LAMA1: variants seen among roughly 807,000 people sequenced by gnomAD.
LAMA1 encodes the protein laminin subunit alpha-1.
Under a neutral mutation model 348.7 loss-of-function variants are expected in LAMA1, and 219 were observed. That is an observed-to-expected ratio of 0.63 (90% confidence interval 0.56 to 0.70). The LOEUF (loss-of-function observed/expected upper bound fraction) is 0.70, where lower values mean the gene tolerates loss of function less well. Among genes scored for constraint, LAMA1 ranks in the 30% least tolerant of loss-of-function variants. The probability of loss-of-function intolerance (pLI) is 0.00; values close to 1 mark genes in which losing one functional copy is unlikely to be tolerated. For missense variants in LAMA1, 3,744 were observed against 3,888.0 expected (o/e 0.96, Z 0.99); for synonymous variants, 1,487 against 1,491.0 (o/e 1.00, Z 0.06).
intron 16 of LAMA1, among the ~76,000 whole-genome samples, chr18:7,030,871 C>A (rs2057966047): frequency 1.5e-5 from 2 of 130,236 alleles, no homozygotes; most frequent in Admixed American, 8.0e-5. Flanking sequence ...GGAGGCCTTG[C>A]AAACCCAAAT....
intron 54 of LAMA1, among the ~76,000 whole-genome samples, chr18:6,958,939 C>A (rs1315965850): frequency 3.3e-5 from 5 of 151,606 alleles, no homozygotes; most frequent in African/African-American, 1.2e-4. Context: ...AACCTCTTTA[C>A]CTATGATGAA....
At chr18:7,070,519 C>T (rs1288510059) in intron 3 of LAMA1, among the ~76,000 whole-genome samples, 1 of 152,168 alleles carries the variant, frequency 6.6e-6, no homozygotes, top group African/African-American at 2.4e-5. Context: ...TAATAAACCT[C>T]ACTCAATACT....
chr18:7,022,741 C>T (rs928396198), intron 19 of LAMA1, among the ~76,000 whole-genome samples: 3 of 152,148 alleles, frequency 2.0e-5, no homozygotes, highest in Admixed American at 1.3e-4. Context: ...CGGTGCTTTA[C>T]GCAGTTTCTG....
chr18:6,945,460 G>A (rs187790918), intron 61 of LAMA1, among the ~76,000 whole-genome samples: 2 of 152,112 alleles, frequency 1.3e-5, no homozygotes, highest in Admixed American at 6.6e-5. Flanking sequence ...AGAAACAACC[G>A]GTAAGTCCTG....
chr18:7,080,119 T>C, intron 2 of LAMA1, 32 bp from the exon 3 acceptor site: 2 of 1,579,856 alleles, frequency 1.3e-6, no homozygotes, highest in Non-Finnish European at 1.7e-6. Flanking sequence ...CATGAATTCC[T>C]CTCGGCTGTT....
At chr18:7,031,108 A>C (rs545429118) in intron 16 of LAMA1, among the ~76,000 whole-genome samples, 1 of 152,298 alleles carries the variant, frequency 6.6e-6, no homozygotes, top group Middle Eastern at 3.4e-3. Flanking sequence ...CATCCTGGAC[A>C]TCATTCTAAG....
Position 7,080,432 on chromosome 18 carries a change from A to G in LAMA1, c.87T>C (p.Leu29=). 1.2e-6 allele frequency: 2 copies of G among 1,614,256 alleles called. No individual in the cohort carries two copies. The highest frequency in any genetic ancestry group is 8.5e-7 in the Non-Finnish European group (1 of 1,180,044). The part of the protein sequence containing the change: ...QRGLFPAILN[L]ASNAHISTNA... ...TGGTGCTGATGTGAGCATTGCTGGC[A>G]AGATTGAGAATGGCAGGAAACAGGC... Residue 29 remains leucine, a synonymous_variant, in exon 2 of 63, where the codon CTT becomes CTC. Coordinates refer to ENST00000389658, the MANE Select transcript of LAMA1 (RefSeq NM_005559.4).
intron 16 of LAMA1, among the ~76,000 whole-genome samples, chr18:7,031,340 TC>T (rs1193795594): frequency 6.6e-6 from 1 of 152,092 alleles, no homozygotes; most frequent in African/African-American, 2.4e-5. Flanking sequence ...AAGAAACAAG[TC>T]TTGCCCCACA....
chr18:6,972,098 G>T, intron 47 of LAMA1, 117 bp from the exon 48 acceptor site: 1 of 1,254,946 alleles, frequency 8.0e-7, no homozygotes, highest in Non-Finnish European at 1.1e-6. Context: ...CAAATTTTGA[G>T]AGAGCCACAT....
chr18:7,092,614 T>C (rs1248755125), intron 1 of LAMA1, among the ~76,000 whole-genome samples: 2 of 129,258 alleles, frequency 1.5e-5, no homozygotes, highest in Non-Finnish European at 3.1e-5. Context: ...ACAGAGCGAG[T>C]CTCTGTCTCG....
At position 7,012,056 on chromosome 18, in the gene LAMA1, G is replaced by A. The variant is rs764502367; in HGVS notation, c.3446C>T (p.Pro1149Leu). ...LRADNPLGCS[P>L]CFCSGLSHLC... ...GTGGGACAGCCCGGAGCAGAAGCAC[G>A]GGCTGCAGCCCAGGGGGTTGTCTGC... The change falls in exon 24 of 63, where the codon CCG becomes CTG. Residue 1149 changes from proline to leucine, a missense_variant. By Grantham distance (98) the Pro-to-Leu change is moderately conservative (BLOSUM62 -3). Transcript: ENST00000389658. 1.7e-5 allele frequency: 28 copies of A among 1,612,202 alleles called. No individual in the cohort carries two copies. The highest frequency in any genetic ancestry group is 1.1e-4 in the East Asian group (5 of 44,862).
intron 41 of LAMA1, among the ~76,000 whole-genome samples, chr18:6,981,498 C>A (rs772153698): frequency 6.6e-6 from 1 of 152,184 alleles, no homozygotes; most frequent in Non-Finnish European, 1.5e-5. Context: ...TCATAACATA[C>A]AATCACATTT....
At chr18:6,945,965 G>A (rs2143964542) in intron 61 of LAMA1, among the ~76,000 whole-genome samples, 1 of 152,208 alleles carries the variant, frequency 6.6e-6, no homozygotes, top group South Asian at 2.1e-4. Flanking sequence ...AAGGGGAGAG[G>A]AAGGGAAGTG....
At chr18:7,036,877 G>A (rs574352525) in intron 12 of LAMA1, among the ~76,000 whole-genome samples, 9 of 152,086 alleles carry the variant, frequency 5.9e-5, no homozygotes, top group African/African-American at 2.2e-4. Flanking sequence ...AAAAACCCGG[G>A]AAGGTAAGCA....
chr18:6,965,432 T>C lies in LAMA1; in HGVS notation c.7051A>G (p.Lys2351Glu). Residue 2351 changes from lysine (K) to glutamate (E), a missense_variant and splice_region_variant, in exon 50 of 63, where the codon AAA becomes GAA. Physicochemically the swap from Lys to Glu is moderately conservative, Grantham distance 56. Transcript: ENST00000389658. ...LLLYLGSYGT[K>E]DFLSIELFRG... is the part of the protein sequence containing the mutation. ...AACAGCTCGATGGATAAAAAGTCTT[T>C]CTGTAAAAAAGAGAACACAGTTCCC... The C allele has an allele frequency of 6.2e-7, 1 of 1,614,164 alleles. No homozygotes were observed. The highest frequency in any genetic ancestry group is 8.5e-7 in the Non-Finnish European group (1 of 1,180,016).
chr18:7,111,584 A>C lies in LAMA1; in HGVS notation c.61+6076T>G, dbSNP rs373825185. On this transcript the variant is annotated intron_variant, in intron 1 of 62. Transcript: ENST00000389658. ...CGTTTTATGCTGAAATAGCTCCCTGACAGACGTGTTCCAACAGAACCAAAG... is the reference window on the plus strand; with the variant it reads ...CGTTTTATGCTGAAATAGCTCCCTGCCAGACGTGTTCCAACAGAACCAAAG... Among the ~76,000 whole-genome samples, 26 of 152,334 alleles carry C rather than the reference A, an allele frequency of 1.7e-4. 1 individual carries two copies. The highest frequency in any genetic ancestry group is 5.8e-4 in the African/African-American group (24 of 41,580).
chr18:6,993,558 A>G (rs1044404839), intron 35 of LAMA1, 83 bp downstream of exon 35: 4 of 1,002,592 alleles, frequency 4.0e-6, no homozygotes, highest in African/African-American at 1.6e-5. Flanking sequence ...AGAGATATAC[A>G]TCTATTCATA....
At chr18:7,015,698 A>C (rs2057884139) in intron 22 of LAMA1, 24 bp downstream of exon 22, 11 of 1,613,066 alleles carry the variant, frequency 6.8e-6, no homozygotes, top group African/African-American at 1.3e-5. Context: ...TCAGTTAAGC[A>C]AGAGCGTGGA....
Position 6,992,536 on chromosome 18 carries a change from T to C in LAMA1, c.5168+25A>G, listed in dbSNP as rs148339936. ...AAGTTTCTCTCTCTACTTGGTTGCATTGCACACAGTAATTAGAAACTTACT... is the reference window on the plus strand; with the variant it reads ...AAGTTTCTCTCTCTACTTGGTTGCACTGCACACAGTAATTAGAAACTTACT... On this transcript the variant is annotated intron_variant, in intron 36 of 62. Transcript: ENST00000389658. 262 of 1,613,342 alleles carry C rather than the reference T, an allele frequency of 1.6e-4. 2 individuals are homozygous for C. In the African/African-American group the frequency reaches 2.5e-3, roughly 16 times the overall value.
Sources: gnomAD v4.1 joint callset for allele counts (sites outside exome capture counted in the v4.1 genomes callset) on GRCh38, gnomAD v4.1.1 for gene constraint, MANE v1.5 for transcripts, NCBI Gene and HGNC (gene_info 2026-07-23, HGNC 2026-07-21) for gene names.